The following ERFL variants were observed in gnomAD, a reference collection of about 807,000 sequenced individuals.
ERFL encodes the protein ETS repressor factor like, also known as ETS domain-containing transcription factor ERF-like.
Under a neutral mutation model 27.9 loss-of-function variants are expected in ERFL, and 8 were observed. The ratio of observed to expected loss-of-function variants is 0.29; its 90% CI spans 0.17 to 0.52. ERFL has a LOEUF of 0.52. ERFL is among the 20% of genes least tolerant of loss of function. ERFL has a pLI of 0.97. For synonymous variants in ERFL, 174 were observed against 202.8 expected (o/e 0.86, Z 1.21); for missense variants, 294 against 444.4 (o/e 0.66, Z 3.04).
intron 1 of ERFL, among the ~76,000 whole-genome samples, chr19:41,922,629 G>A (rs943891739): frequency 2.6e-5 from 4 of 152,094 alleles, no homozygotes; most frequent in African/African-American, 9.7e-5. Flanking sequence ...AGAGGCAGTG[G>A]GGCAGGCCTG....
chr19:41,913,519 G>A (rs1423992794), intron 1 of ERFL, among the ~76,000 whole-genome samples: 1 of 151,624 alleles, frequency 6.6e-6, no homozygotes, highest in Non-Finnish European at 1.5e-5. Flanking sequence ...CTGCAGGGGG[G>A]CAGGCCCAGC....
chr19:41,920,151 C>T (rs1413193506), intron 1 of ERFL, among the ~76,000 whole-genome samples: 3 of 123,220 alleles, frequency 2.4e-5, no homozygotes, highest in African/African-American at 1.1e-4. Context: ...ACATGACACG[C>T]CCAGACATGA....
chr19:41,911,692 A>G (rs537197705), intron 2 of ERFL, among the ~76,000 whole-genome samples: 2 of 152,084 alleles, frequency 1.3e-5, no homozygotes, highest in East Asian at 1.9e-4. Context: ...CCCATTCCAC[A>G]CCCAGAACAC....
In ERFL at chr19:41,909,512, C is replaced by T; in HGVS notation, c.303-41G>A. 3 of 1,248,280 alleles carry T rather than the reference C, an allele frequency of 2.4e-6. No individual in the cohort carries two copies. The highest frequency in any genetic ancestry group is 3.0e-6 in the Non-Finnish European group (3 of 994,392). The allele number at this position is 1,248,280 out of a possible 1,614,324, so 77.3% of individuals were successfully genotyped here. On this transcript the variant is annotated intron_variant, in intron 3 of 5. Coordinates refer to ENST00000597630, the MANE Select transcript of ERFL (RefSeq NM_001365103.2). The surrounding 1 kb of genome is among the most constrained non-coding windows in gnomAD (Gnocchi z 5.2). Reference sequence around the variant, plus strand: ...TGGTGTTGGGGAGGTGCAGGGGGAGCCCTGGGGCGGGATCTGGGGTTTCTT... The same window carrying T: ...TGGTGTTGGGGAGGTGCAGGGGGAGTCCTGGGGCGGGATCTGGGGTTTCTT...
chr19:41,910,838 C>T lies in ERFL; in HGVS notation c.68-741G>A, dbSNP rs1433619606. ...GGCACACCGGAGTGCCACACTCATG[C>T]TGGGGGCCACCAAGGCTGACATGGC... On this transcript the variant is annotated intron_variant, in intron 2 of 5. Transcript: ENST00000597630. The surrounding 1 kb of genome is among the most constrained non-coding windows in gnomAD (Gnocchi z 4.4). 6.6e-6 allele frequency among the ~76,000 whole-genome samples: 1 copy of T among 152,190 alleles called. No individual in the cohort carries two copies. The highest frequency in any genetic ancestry group is 1.5e-5 in the Non-Finnish European group (1 of 68,026).
chr19:41,911,327 C>A (rs1555851228), intron 2 of ERFL, among the ~76,000 whole-genome samples: 1 of 152,226 alleles, frequency 6.6e-6, no homozygotes, highest in Non-Finnish European at 1.5e-5. Flanking sequence ...CCTCAGAGAC[C>A]CCAGACCCAG....
At chr19:41,912,670 T>C (rs2074760289) in intron 2 of ERFL, among the ~76,000 whole-genome samples, 183 bp downstream of exon 2, 1 of 152,220 alleles carries the variant, frequency 6.6e-6, no homozygotes, top group Admixed American at 6.5e-5. Context: ...CAGGGGAATC[T>C]GGCTGCGAAG....
intron 1 of ERFL, among the ~76,000 whole-genome samples, chr19:41,923,540 A>G (rs1380546586): frequency 6.8e-6 from 1 of 148,080 alleles, no homozygotes; most frequent in Non-Finnish European, 1.5e-5. Flanking sequence ...CAGAATTAAG[A>G]CAGGCAGACA....
chr19:41,922,658 G>A (rs1314896873), intron 1 of ERFL, among the ~76,000 whole-genome samples: 3 of 152,104 alleles, frequency 2.0e-5, no homozygotes, highest in African/African-American at 7.2e-5. Flanking sequence ...GGCAAGGGGC[G>A]GGGCCTGGGT....
chr19:41,915,540 G>C (rs1216312110), intron 1 of ERFL, among the ~76,000 whole-genome samples: 1 of 151,490 alleles, frequency 6.6e-6, no homozygotes, highest in Non-Finnish European at 1.5e-5. Context: ...TAATGTCTAG[G>C]GTCTCCACAC....
rs1471065935 is a variant in ERFL, at chr19:41,917,622, T to C, written c.-13-4690A>G. On this transcript the variant is annotated intron_variant, in intron 1 of 5. Coordinates refer to ENST00000597630, the MANE Select transcript of ERFL (RefSeq NM_001365103.2). The surrounding 1 kb of genome is among the most constrained non-coding windows in gnomAD (Gnocchi z 4.8). ...CCCTTCTGCCACCGCCGCCCCCGCA[T>C]GCACACACCATGCCCCAAAGCACAC... Among the ~76,000 whole-genome samples the C allele has an allele frequency of 5.3e-5, 8 of 151,816 alleles. No individual in the cohort carries two copies. Among genetic ancestry groups the C allele is most frequent in the African/African-American group, 1.7e-4 (7 of 41,258 alleles).
intron 1 of ERFL, among the ~76,000 whole-genome samples, chr19:41,919,726 C>T (rs570313126): frequency 6.6e-6 from 1 of 152,286 alleles, no homozygotes; most frequent in South Asian, 2.1e-4. Context: ...CTCTCAGGGT[C>T]GCACTCACTT....
chr19:41,909,397 A>G lies in ERFL; in HGVS notation c.377T>C (p.Val126Ala). Reference protein sequence around the residue: ...RFTYKFNFSKVVLVNYPLLDM... With the variant: ...RFTYKFNFSKAVLVNYPLLDM... The stretch of plus-strand genomic sequence containing the variant: ...CAGCAGCGGGTAATTGACAAGCACG[A>G]CTTTGCTGAAGTTGAACTTGTAGGT... Residue 126 changes from valine (V) to alanine (A), a missense_variant, in exon 4 of 6, where the codon GTC becomes GCC. Transcript: ENST00000597630. This position sits in a 1 kb window ranked among gnomAD's most constrained non-coding sequence, Gnocchi z 5.2. The G allele has an allele frequency of 8.1e-7, 1 of 1,237,494 alleles. No individual in the cohort carries two copies. The highest frequency in any genetic ancestry group is 1.0e-6 in the Non-Finnish European group (1 of 990,474). 76.7% of individuals were successfully genotyped at this position (1,237,494 alleles called of 1,614,324 possible).
At chr19:41,924,403 G>A (rs1240015512) in intron 1 of ERFL, among the ~76,000 whole-genome samples, 2 of 152,120 alleles carry the variant, frequency 1.3e-5, no homozygotes, top group Non-Finnish European at 2.9e-5. Context: ...AGGCAAGTAC[G>A]TGCCTCATGA....
intron 1 of ERFL, chr19:41,923,003 C>T (rs782119597): frequency 2.6e-6 from 1 of 378,022 alleles, no homozygotes; most frequent in East Asian, 7.3e-5. Context: ...ATGTGAGGGG[C>T]AGCCTAGGGA....
intron 1 of ERFL, among the ~76,000 whole-genome samples, chr19:41,922,212 A>G (rs1555852552): frequency 6.6e-6 from 1 of 152,156 alleles, no homozygotes; most frequent in African/African-American, 2.4e-5. Flanking sequence ...GCATCCCGAC[A>G]GAGCCCGGGG....
intron 1 of ERFL, 120 bp from the exon 2 acceptor site, chr19:41,913,052 C>T (rs546497637): frequency 4.9e-6 from 2 of 410,406 alleles, no homozygotes; most frequent in Non-Finnish European, 8.4e-6. Context: ...AGCCTGACAC[C>T]CTCTCCCCGC....
Position 41,909,007 on chromosome 19 carries a change from C to T in ERFL, c.616+53G>A. 1 of 1,087,126 alleles carries T rather than the reference C, an allele frequency of 9.2e-7. No homozygotes were observed. The highest frequency in any genetic ancestry group is 1.6e-5 in the African/African-American group (1 of 61,428). The allele number at this position is 1,087,126 out of a possible 1,614,324, so 67.3% of individuals were successfully genotyped here. A position where few individuals can be genotyped will look rare whatever the true frequency, so the allele number is the denominator to read the frequency against. ...TCTTTTCTCATCCTCTTCCCTCAAG[C>T]CTGCAGCTTCTCCCACTGTGCCCCC... On this transcript the variant is annotated intron_variant, in intron 5 of 5. Coordinates refer to ENST00000597630, the MANE Select transcript of ERFL (RefSeq NM_001365103.2). This position sits in a 1 kb window ranked among gnomAD's most constrained non-coding sequence, Gnocchi z 5.2.
At chr19:41,926,442 A>G (rs1285449775) in intron 1 of ERFL, among the ~76,000 whole-genome samples, 4 of 152,016 alleles carry the variant, frequency 2.6e-5, no homozygotes, top group Non-Finnish European at 5.9e-5. Context: ...GCATTGATAG[A>G]CAGGTGTGAA....
Sources: gnomAD v4.1 joint callset for allele counts (sites outside exome capture counted in the v4.1 genomes callset) on GRCh38, gnomAD v4.1.1 for gene constraint, Gnocchi (gnomAD v3.1) non-coding constraint, MANE v1.5 for transcripts, NCBI Gene and HGNC (gene_info 2026-07-23, HGNC 2026-07-21) for gene names.